STK26: variants seen among roughly 807,000 people sequenced by gnomAD.
The protein encoded by STK26 is serine/threonine-protein kinase 26.
A neutral mutation model predicts 34.7 loss-of-function variants in STK26; 14 were observed. That is an observed-to-expected ratio of 0.40 (90% CI 0.27 to 0.63). The LOEUF is 0.63. STK26 is among the 30% of genes least tolerant of loss of function. The pLI is 0.38. For synonymous variants in STK26, 100 were observed against 109.8 expected (o/e 0.91, Z 0.56); for missense variants, 226 against 309.1 (o/e 0.73, Z 2.02).
intron 2 of STK26, among the ~76,000 whole-genome samples, chrX:132,027,215 A>G (rs1346443444): frequency 8.9e-6 from 1 of 112,057 alleles, no homozygotes; most frequent in Non-Finnish European, 1.9e-5. Flanking sequence ...GCAGAGGTAG[A>G]CAGACTAGGA....
chrX:132,056,308 C>G (rs182232295), intron 3 of STK26, among the ~76,000 whole-genome samples: 14 of 112,047 alleles, frequency 1.2e-4, no homozygotes, highest in African/African-American at 4.2e-4. Flanking sequence ...TGTGAAAAGA[C>G]CTTCTTCCTC....
chrX:132,040,188 A>G (rs927061848), intron 2 of STK26, among the ~76,000 whole-genome samples: 10 of 112,848 alleles, frequency 8.9e-5, no homozygotes, highest in African/African-American at 3.2e-4. Flanking sequence ...AGCCTGAAAT[A>G]TTTAGCATCC....
rs887779460 is a variant in STK26, at chrX:132,072,740, A to G, written c.1027-73A>G. ...CAGTAGGGGATTCAAATTAGTTCGT[A>G]TTTGTTAAAGAATAAGAAAATCATG... On this transcript the variant is annotated intron_variant, in intron 9 of 11. Transcript: ENST00000394334. The G allele has an allele frequency of 4.7e-6, 5 of 1,065,651 alleles. No individual in the cohort carries two copies. The Admixed American group carries it at 1.1e-4, about 24-fold the overall frequency. The allele number at this position is 1,065,651 out of a possible 1,213,427, so 87.8% of individuals were successfully genotyped here. A position where few individuals can be genotyped will look rare whatever the true frequency, so the allele number is the denominator to read the frequency against.
At chrX:132,066,767 T>A (rs1430669912) in intron 4 of STK26, among the ~76,000 whole-genome samples, 1 of 112,107 alleles carries the variant, frequency 8.9e-6, no homozygotes, top group Admixed American at 9.5e-5. Flanking sequence ...TTATGTTACT[T>A]TTACATGTCC....
intron 3 of STK26, among the ~76,000 whole-genome samples, chrX:132,056,992 G>A (rs776937073): frequency 6.2e-5 from 7 of 112,105 alleles, no homozygotes; most frequent in South Asian, 7.5e-4. Context: ...GTGGATGTCT[G>A]GAGCATAGGC....
intron 4 of STK26, among the ~76,000 whole-genome samples, chrX:132,067,406 A>G (rs764785270): frequency 9.0e-6 from 1 of 111,351 alleles, no homozygotes; most frequent in East Asian, 2.8e-4. Flanking sequence ...ATAATATTGT[A>G]CAGTCCACTG....
intron 2 of STK26, among the ~76,000 whole-genome samples, chrX:132,029,533 T>C (rs774539890): frequency 1.1e-4 from 12 of 109,879 alleles, no homozygotes; most frequent in Non-Finnish European, 2.1e-4. Context: ...ACATTTTTCT[T>C]TTGAAACCCA....
At chrX:132,044,522 A>C (rs1217516531) in intron 2 of STK26, among the ~76,000 whole-genome samples, 4 of 106,475 alleles carry the variant, frequency 3.8e-5, no homozygotes, top group Non-Finnish European at 7.7e-5. Flanking sequence ...ACTGTATTTA[A>C]GTTTGTATGT....
At chrX:132,031,731 G>A (rs766101647) in intron 2 of STK26, among the ~76,000 whole-genome samples, 6 of 111,657 alleles carry the variant, frequency 5.4e-5, no homozygotes, top group African/African-American at 2.0e-4. Context: ...TTGGTCATTC[G>A]CCATTTCAGA....
chrX:132,024,471 A>G (rs951707600), intron 2 of STK26, among the ~76,000 whole-genome samples: 5 of 111,724 alleles, frequency 4.5e-5, no homozygotes, highest in Admixed American at 9.4e-5. Flanking sequence ...TTATGCTGTT[A>G]TGTTTTTAAA....
chrX:132,068,632 C>T, intron 6 of STK26, 63 bp downstream of exon 6: 1 of 1,009,188 alleles, frequency 9.9e-7, no homozygotes. Flanking sequence ...GCACACTATC[C>T]TAGTTAATAC....
At chrX:132,055,355 G>T in intron 3 of STK26, 1 of 766,588 alleles carries the variant, frequency 1.3e-6, no homozygotes, top group East Asian at 3.5e-5. Context: ...CACAGGGTAT[G>T]GTACATCTTA....
chrX:132,041,617 C>T (rs60547271), intron 2 of STK26, among the ~76,000 whole-genome samples: 222 of 110,332 alleles, frequency 2.0e-3, no homozygotes, highest in African/African-American at 7.1e-3. Flanking sequence ...TTACTCTCCC[C>T]ACTCCACCCC....
chrX:132,043,353 G>A (rs1250498950), intron 2 of STK26, among the ~76,000 whole-genome samples: 1 of 111,783 alleles, frequency 8.9e-6, no homozygotes, highest in Non-Finnish European at 1.9e-5. Flanking sequence ...CTCAGCATCT[G>A]TCACTTCAAA....
chrX:132,040,314 G>A (rs1926216733), intron 2 of STK26, among the ~76,000 whole-genome samples: 2 of 111,972 alleles, frequency 1.8e-5, no homozygotes, highest in African/African-American at 6.5e-5. Flanking sequence ...TGTGGATATA[G>A]TATGACAATA....
At chrX:132,054,404 T>C (rs1215560300) in intron 2 of STK26, among the ~76,000 whole-genome samples, 1 of 112,317 alleles carries the variant, frequency 8.9e-6, no homozygotes, top group Admixed American at 9.4e-5. Flanking sequence ...ATGTTTGTGA[T>C]AGCAGGATCA....
At chrX:132,065,335 T>G (rs1312555905) in intron 4 of STK26, among the ~76,000 whole-genome samples, 1 of 112,035 alleles carries the variant, frequency 8.9e-6, no homozygotes, top group African/African-American at 3.2e-5. Flanking sequence ...CCTTCCATTT[T>G]TTGAATATTA....
chrX:132,043,699 A>G (rs186164299), intron 2 of STK26, among the ~76,000 whole-genome samples: 4 of 111,603 alleles, frequency 3.6e-5, no homozygotes, highest in Admixed American at 1.9e-4. Context: ...CAAGGCCTCT[A>G]ATCTTTGCAT....
rs770605667 is a variant in STK26, at chrX:132,071,009, T to C, written c.784-60T>C. The stretch of plus-strand genomic sequence containing the variant: ...TAATTCAAATGATTTTTTTTACCAT[T>C]CCTTGTAATCATAAGAGTTCAACAA... On this transcript the variant is annotated intron_variant, in intron 7 of 11. Coordinates refer to ENST00000394334, the MANE Select transcript of STK26 (RefSeq NM_016542.4). 2.8e-5 allele frequency: 31 copies of C among 1,094,761 alleles called. No individual in the cohort carries two copies. In the East Asian group the frequency reaches 9.4e-4, roughly 33 times the overall value. 90.2% of individuals were successfully genotyped at this position (1,094,761 alleles called of 1,213,427 possible). A position where few individuals can be genotyped will look rare whatever the true frequency, so the allele number is the denominator to read the frequency against.
Sources: allele counts gnomAD v4.1 joint callset (sites outside exome capture counted in the v4.1 genomes callset), GRCh38; gene constraint gnomAD v4.1.1; transcripts MANE v1.5; gene names NCBI Gene and HGNC (gene_info 2026-07-23, HGNC 2026-07-21).